The following IFT122 variants were observed in gnomAD, a reference collection of about 807,000 sequenced individuals.
IFT122 encodes intraflagellar transport protein 122 homolog.
Under a neutral mutation model 161.6 loss-of-function variants are expected in IFT122, and 118 were observed. That is an observed-to-expected ratio of 0.73 (90% confidence interval 0.63 to 0.85). The LOEUF is 0.85. Among genes scored for constraint, IFT122 ranks in the 40% least tolerant of loss-of-function variants. The probability of loss-of-function intolerance (pLI) is 0.00; values close to 1 mark genes in which losing one functional copy is unlikely to be tolerated. For missense variants in IFT122, 1,381 were observed against 1,579.6 expected (o/e 0.87, Z 2.13); for synonymous variants, 550 against 602.4 (o/e 0.91, Z 1.27).
intron 23 of IFT122, among the ~76,000 whole-genome samples, chr3:129,509,347 G>T (rs1256147060): frequency 6.6e-6 from 1 of 152,164 alleles, no homozygotes; most frequent in Admixed American, 6.5e-5. Context: ...GAGAGGATCA[G>T]CTTCGATGAT....
chr3:129,495,376 C>G, intron 17 of IFT122, 70 bp from the exon 18 acceptor site: 1 of 1,587,760 alleles, frequency 6.3e-7, no homozygotes, highest in African/African-American at 1.3e-5. Context: ...ATAGCCACAT[C>G]TAACCTTTGT....
chr3:129,451,954 A>AGG lies in IFT122; in HGVS notation c.151_152dup (p.His52AspfsTer38). 1 of 1,614,102 alleles carries AGG rather than the reference A, an allele frequency of 6.2e-7. No individual in the cohort carries two copies. Among genetic ancestry groups the AGG allele is most frequent in the Non-Finnish European group, 8.5e-7 (1 of 1,179,924 alleles). The stretch of plus-strand genomic sequence containing the variant: ...GATGGCACCTTACTTCAGCCCCTCA[A>AGG]GGGACACAAAGACACTGTGTACTGT... On this transcript the variant is annotated frameshift_variant, in exon 3 of 30. Transcript: ENST00000348417. LOFTEE classifies it high-confidence loss of function.
chr3:129,466,782 C>A (rs1559882976), intron 7 of IFT122, 108 bp from the exon 8 acceptor site: 2 of 1,016,996 alleles, frequency 2.0e-6, no homozygotes, highest in African/African-American at 1.6e-5. Context: ...GGATTACAGG[C>A]GTGAGTCACT....
chr3:129,495,653 G>A, intron 18 of IFT122, 46 bp downstream of exon 18: 1 of 1,607,730 alleles, frequency 6.2e-7, no homozygotes. Flanking sequence ...GGAGCCCACT[G>A]GTATTCTCAC....
intron 9 of IFT122, 62 bp downstream of exon 9, chr3:129,469,479 T>G (rs1268477097): frequency 7.9e-7 from 1 of 1,272,124 alleles, no homozygotes; most frequent in African/African-American, 1.5e-5. Context: ...TTTCTGAGAT[T>G]CTGTTACTAT....
At chr3:129,477,345 G>C (rs2078075222) in intron 11 of IFT122, among the ~76,000 whole-genome samples, 1 of 152,190 alleles carries the variant, frequency 6.6e-6, no homozygotes, top group Non-Finnish European at 1.5e-5. Flanking sequence ...CACTTAAGTT[G>C]CTGTGCTGGT....
At chr3:129,513,914 G>A (rs1201454547) in intron 24 of IFT122, 2 of 293,420 alleles carry the variant, frequency 6.8e-6, no homozygotes, top group Non-Finnish European at 1.3e-5. Context: ...CTGCCCACCA[G>A]GCCCTCGGGG....
intron 26 of IFT122, among the ~76,000 whole-genome samples, chr3:129,516,941 GCACACACACAGAGACTGCCCCTA>G (rs2083898022): frequency 1.0e-5 from 1 of 98,888 alleles, no homozygotes; most frequent in Non-Finnish European, 2.0e-5. Flanking sequence ...GACTGCCCCT[GCACACACACAGAGACTGCCCCTA>G]CACACACACA....
chr3:129,488,912 C>T (rs377330861), intron 16 of IFT122, among the ~76,000 whole-genome samples: 19,477 of 151,904 alleles, frequency 0.13, 1,566 homozygotes, highest in South Asian at 0.24. Context: ...ACCTTCATGG[C>T]GGGATTCATG....
rs924916058 is a variant in IFT122 at position 129,515,390 on chromosome 3, C to T, written c.3154-98C>T. ...TGCCTGCCCACCCGGGTGGCCTTTCCTCTTGGCAGCCAGGCCCCAGGGGCC... is the reference window on the plus strand; with the variant it reads ...TGCCTGCCCACCCGGGTGGCCTTTCTTCTTGGCAGCCAGGCCCCAGGGGCC... On this transcript the variant is annotated intron_variant, in intron 25 of 29. Transcript: ENST00000348417. 6.6e-5 allele frequency: 68 copies of T among 1,030,034 alleles called. No individual in the cohort carries two copies. The South Asian group carries it at 9.2e-4, about 14-fold the overall frequency. 63.8% of individuals were successfully genotyped at this position (1,030,034 alleles called of 1,614,324 possible). A position where few individuals can be genotyped will look rare whatever the true frequency, so the allele number is the denominator to read the frequency against.
In IFT122 at chr3:129,479,790, A is replaced by T. The variant is rs768160274; in HGVS notation, c.1356A>T (p.Lys452Asn). The change falls in exon 13 of 30, where the codon AAA (lysine) becomes AAT (asparagine). Residue 452 changes from lysine (K) to asparagine (N), a missense_variant. Around this residue, in one of 7 missense-constraint regions of IFT122, gnomAD observed 544 missense variants for 648.0 expected, o/e 0.84. Transcript: ENST00000348417. ...GAGCTGGGTTTGCTTCCTAGGAGAA[A>T]CGGCTGCAGTGCCTGTCCTTCAGCG... Reference protein sequence around the residue: ...CANHIILCQEKRLQCLSFSGV... With the variant: ...CANHIILCQENRLQCLSFSGV... 1 of 1,613,952 alleles carries T rather than the reference A, an allele frequency of 6.2e-7. No homozygotes were observed. The highest frequency in any genetic ancestry group is 8.5e-7 in the Non-Finnish European group (1 of 1,180,016).
Position 129,461,069 on chromosome 3 carries a change from G to T in IFT122, c.273-159G>T. The T allele has an allele frequency of 3.2e-6, 3 of 940,120 alleles. No homozygotes were observed. The South Asian group carries it at 4.0e-5, about 13-fold the overall frequency. The allele number at this position is 940,120 out of a possible 1,614,324, so 58.2% of individuals were successfully genotyped here. On this transcript the variant is annotated intron_variant, in intron 4 of 29. Transcript: ENST00000348417. ...GAGGAGAAGGAGAATTAATTCTTTA[G>T]GAGTAGGAGAATTAATTTCTGTGCT...
chr3:129,445,467 A>G (rs1315793416), intron 1 of IFT122, among the ~76,000 whole-genome samples: 2 of 152,220 alleles, frequency 1.3e-5, no homozygotes, highest in African/African-American at 4.8e-5. Context: ...ACAGGTATAC[A>G]GTTGTTTTGA....
intron 1 of IFT122, among the ~76,000 whole-genome samples, chr3:129,444,440 T>C (rs2073713021): frequency 6.6e-6 from 1 of 152,244 alleles, no homozygotes; most frequent in South Asian, 2.1e-4. Flanking sequence ...TTTAGTTTCC[T>C]CATTGGTAAA....
In IFT122 at chr3:129,512,406, C is replaced by G; in HGVS notation, c.2981C>G (p.Ser994Cys). ...SLPKDTPSGI[S>C]KVKILFTLAK... is the part of the protein sequence containing the mutation. ...CCCAAGGACACCCCCTCGGGCATCTCTAAAGTGTATCCTTTCTCTTATCCC... is the reference window on the plus strand; with the variant it reads ...CCCAAGGACACCCCCTCGGGCATCTGTAAAGTGTATCCTTTCTCTTATCCC... The change falls in exon 24 of 30, where the codon TCT (serine) becomes TGT (cysteine). Residue 994 changes from serine (S) to cysteine (C), a missense_variant. Coordinates refer to ENST00000348417, the MANE Select transcript of IFT122 (RefSeq NM_052989.3). The G allele has an allele frequency of 6.2e-7, 1 of 1,603,852 alleles. No individual in the cohort carries two copies. The highest frequency in any genetic ancestry group is 1.1e-5 in the South Asian group (1 of 90,842).
intron 3 of IFT122, chr3:129,452,275 A>G (rs1376359336): frequency 2.3e-6 from 1 of 431,568 alleles, no homozygotes; most frequent in East Asian, 4.9e-5. Context: ...GGTGGTGGTG[A>G]GAAGTGAGGG....
In IFT122 at chr3:129,514,555, G is replaced by A; in HGVS notation, c.3153+1G>A. 1 of 1,614,212 alleles carries A rather than the reference G, an allele frequency of 6.2e-7. No homozygotes were observed. On this transcript the variant is annotated splice_donor_variant, in intron 25 of 29. Transcript: ENST00000348417. LOFTEE classifies it high-confidence loss of function. Reference sequence around the variant, plus strand: ...CGCCAAGCCCTTCCACGACAGTGAGGTGAGGATGCAGCACCCTTGGGCAGG... The same window carrying A: ...CGCCAAGCCCTTCCACGACAGTGAGATGAGGATGCAGCACCCTTGGGCAGG...
intron 4 of IFT122, among the ~76,000 whole-genome samples, chr3:129,459,666 T>C (rs191931618): frequency 6.7e-4 from 64 of 95,766 alleles, no homozygotes; most frequent in African/African-American, 2.5e-3. Context: ...CCTTCCTTCC[T>C]TCCCTCCCTC....
In IFT122 at chr3:129,492,355, A is replaced by G. The variant is rs796081569; in HGVS notation, c.2046+161A>G. On this transcript the variant is annotated intron_variant, in intron 17 of 29. Coordinates refer to ENST00000348417, the MANE Select transcript of IFT122 (RefSeq NM_052989.3). ...CTTGCTCCGGGGGCAGAGTGGCCAC[A>G]CTGGGGGAGACAACAGCAGGTAGTG... Among the ~76,000 whole-genome samples the G allele has an allele frequency of 1.6e-4, 25 of 152,290 alleles. 1 individual carries two copies. Among genetic ancestry groups the G allele is most frequent in the African/African-American group, 5.5e-4 (23 of 41,564 alleles).
Sources: gnomAD v4.1 joint callset for allele counts (sites outside exome capture counted in the v4.1 genomes callset) on GRCh38, gnomAD v4.1.1 for gene constraint, gnomAD v4.1.1 regional missense constraint, MANE v1.5 for transcripts, NCBI Gene and HGNC (gene_info 2026-07-23, HGNC 2026-07-21) for gene names.